Variants in LGSN observed in about 807,000 individuals in gnomAD.
The protein encoded by LGSN is lengsin, lens protein with glutamine synthetase domain.
In LGSN, 21 loss-of-function variants were observed where a neutral mutation model predicts 19.5. The observed-to-expected ratio is 1.07, with a 90% CI of 0.76 to 1.55. The LOEUF is 1.55. LGSN is among the 40% of genes most tolerant of loss of function. The pLI, the probability that LGSN is intolerant of heterozygous loss-of-function variation, is 0.00. For synonymous variants in LGSN, 257 were observed against 215.6 expected (o/e 1.19, Z -1.68); for missense variants, 673 against 608.5 (o/e 1.11, Z -1.12).
At chr6:63,471,911 C>T in the LGSN span, among the ~76,000 whole-genome samples, 89 of 152,240 alleles carry the variant, frequency 5.8e-4, no homozygotes, top group African/African-American at 2.1e-3. Context: ...ATCACATTCT[C>T]TCTCTACCAT....
chr6:63,539,723 C>T, the LGSN span, among the ~76,000 whole-genome samples: 4 of 151,372 alleles, frequency 2.6e-5, no homozygotes, highest in African/African-American at 7.3e-5. Flanking sequence ...GAGCTGAGAT[C>T]GTACCACTGC....
At chr6:63,390,627 C>T in the LGSN span, among the ~76,000 whole-genome samples, 15 of 151,178 alleles carry the variant, frequency 9.9e-5, no homozygotes, top group Admixed American at 3.3e-4. Flanking sequence ...GAGGCCGAGG[C>T]GGGCGGATCA....
At chr6:63,521,365 G>C in the LGSN span, among the ~76,000 whole-genome samples, 1 of 152,194 alleles carries the variant, frequency 6.6e-6, no homozygotes. Flanking sequence ...AAGTCAGACA[G>C]ATTTCAATTC....
intron 2 of LGSN, among the ~76,000 whole-genome samples, chr6:63,288,310 C>T (rs1767627753): frequency 6.6e-6 from 1 of 151,100 alleles, no homozygotes; most frequent in Non-Finnish European, 1.5e-5. Flanking sequence ...TATTTTTCAT[C>T]ATCACATACT....
At chr6:63,528,276 A>G in the LGSN span, among the ~76,000 whole-genome samples, 1 of 151,154 alleles carries the variant, frequency 6.6e-6, no homozygotes, top group Admixed American at 6.6e-5. Context: ...CACATAGTAT[A>G]TTTTCTGCTC....
the LGSN span, among the ~76,000 whole-genome samples, chr6:63,401,876 G>A: frequency 2.6e-5 from 4 of 152,186 alleles, no homozygotes; most frequent in African/African-American, 7.2e-5. Context: ...ATCAAAGAAA[G>A]TTTAATGAAG....
chr6:63,335,609 CAT>C, the LGSN span, among the ~76,000 whole-genome samples: 7 of 152,272 alleles, frequency 4.6e-5, no homozygotes, highest in Admixed American at 4.6e-4. Flanking sequence ...ATCAAAATCA[CAT>C]GAGATGTCCT....
At chr6:63,313,197 A>T (rs1024263399) in intron 1 of LGSN, among the ~76,000 whole-genome samples, 2 of 152,216 alleles carry the variant, frequency 1.3e-5, no homozygotes, top group African/African-American at 4.8e-5. Context: ...GAGTAAACAT[A>T]AAAAGGAAGT....
At chr6:63,359,269 A>T in the LGSN span, among the ~76,000 whole-genome samples, 88 of 152,334 alleles carry the variant, frequency 5.8e-4, no homozygotes, top group African/African-American at 2.1e-3. Context: ...ACCGATGTTC[A>T]TCAGGAATAT....
At chr6:63,467,279 A>C in the LGSN span, among the ~76,000 whole-genome samples, 1 of 32,538 alleles carries the variant, frequency 3.1e-5, no homozygotes, top group Non-Finnish European at 7.8e-5. Context: ...AGTGAAATAC[A>C]AAAAAAAAAT....
the LGSN span, among the ~76,000 whole-genome samples, chr6:63,376,600 A>G: frequency 6.6e-6 from 1 of 152,244 alleles, no homozygotes; most frequent in African/African-American, 2.4e-5. Context: ...GAAAACATTC[A>G]CCTATTGCAT....
At chr6:63,516,193 A>T in the LGSN span, among the ~76,000 whole-genome samples, 1 of 152,204 alleles carries the variant, frequency 6.6e-6, no homozygotes, top group African/African-American at 2.4e-5. Context: ...TAAGACTTTA[A>T]TCTGTACACC....
intron 1 of LGSN, among the ~76,000 whole-genome samples, chr6:63,309,187 C>T (rs1370351805): frequency 2.6e-5 from 4 of 152,168 alleles, no homozygotes; most frequent in South Asian, 2.1e-4. Flanking sequence ...AATCCCAGCA[C>T]TTTGGAGGCC....
the LGSN span, among the ~76,000 whole-genome samples, chr6:63,435,012 A>G: frequency 6.6e-6 from 1 of 152,216 alleles, no homozygotes; most frequent in Non-Finnish European, 1.5e-5. Context: ...TTCAGGAGCA[A>G]TATGTACGCA....
the LGSN span, among the ~76,000 whole-genome samples, chr6:63,481,234 T>C: frequency 6.6e-6 from 1 of 152,092 alleles, no homozygotes; most frequent in East Asian, 1.9e-4. Flanking sequence ...GTGCTAGGAA[T>C]AAAACTACAT....
the LGSN span, among the ~76,000 whole-genome samples, chr6:63,366,921 C>T: frequency 6.6e-6 from 1 of 151,006 alleles, no homozygotes; most frequent in Non-Finnish European, 1.5e-5. Context: ...CTTCCTTACA[C>T]CTTATACAAA....
At chr6:63,394,966 T>C in the LGSN span, 2 of 155,228 alleles carry the variant, frequency 1.3e-5, no homozygotes, top group African/African-American at 4.8e-5. Context: ...CTTCCCTCTG[T>C]GTGCACTGCA....
At chr6:63,561,915 A>G in the LGSN span, among the ~76,000 whole-genome samples, 35 of 152,320 alleles carry the variant, frequency 2.3e-4, no homozygotes, top group African/African-American at 8.2e-4. Flanking sequence ...TGCAGAGAGT[A>G]CAATAAGGCT....
chr6:63,409,418 A>G, the LGSN span, among the ~76,000 whole-genome samples: 768 of 152,328 alleles, frequency 5.0e-3, 9 homozygotes, highest in African/African-American at 0.018. Flanking sequence ...AAATTTTTAC[A>G]TATATCTAAA....
Sources: allele counts gnomAD v4.1 joint callset (sites outside exome capture counted in the v4.1 genomes callset), GRCh38; gene constraint gnomAD v4.1.1; transcripts MANE v1.5; gene names NCBI Gene and HGNC (gene_info 2026-07-23, HGNC 2026-07-21).